NOL4: variants seen among roughly 807,000 people sequenced by gnomAD.
The protein encoded by NOL4 is cancer/testis antigen 125.
Under a neutral mutation model 75.9 loss-of-function variants are expected in NOL4, and 17 were observed. That is an observed-to-expected ratio of 0.22 (90% CI 0.15 to 0.34). The LOEUF (loss-of-function observed/expected upper bound fraction) is 0.34, where lower values mean the gene tolerates loss of function less well. Ranked by LOEUF, NOL4 falls within the 10% of genes least tolerant of loss-of-function variation. The pLI is 1.00. For synonymous variants in NOL4, 292 were observed against 289.9 expected, an observed-to-expected ratio of 1.01 and a Z score of -0.07; for missense variants, 614 against 793.5, an observed-to-expected ratio of 0.77 and a Z score of 2.72.
chr18:34,010,311 G>A (rs1003341640), intron 6 of NOL4, among the ~76,000 whole-genome samples: 2 of 151,780 alleles, frequency 1.3e-5, no homozygotes, highest in Non-Finnish European at 2.9e-5. Flanking sequence ...AGTTCCATCC[G>A]TGTTGTTACA....
intron 6 of NOL4, among the ~76,000 whole-genome samples, chr18:34,008,413 C>CTAT (rs55764640): frequency 6.7e-6 from 1 of 148,992 alleles, no homozygotes; most frequent in African/African-American, 2.5e-5. Context: ...ATCTATCTAT[C>CTAT]CTATGGGTTC....
At chr18:34,005,989 C>A (rs1001454497) in intron 6 of NOL4, among the ~76,000 whole-genome samples, 1 of 152,040 alleles carries the variant, frequency 6.6e-6, no homozygotes, top group Non-Finnish European at 1.5e-5. Context: ...TTGAAGCCTT[C>A]TTCAATTTCC....
At chr18:34,146,935 A>T (rs570449341) in intron 1 of NOL4, among the ~76,000 whole-genome samples, 7 of 152,120 alleles carry the variant, frequency 4.6e-5, no homozygotes, top group Non-Finnish European at 7.4e-5. Flanking sequence ...GGTCCTTCAC[A>T]TCCCTTGTAA....
Position 33,958,438 on chromosome 18 carries a change from T to TAAA in NOL4, c.1057-21_1057-20insTTT. 1 of 1,573,542 alleles carries TAAA rather than the reference T, an allele frequency of 6.4e-7. No individual in the cohort carries two copies. Among genetic ancestry groups the TAAA allele is most frequent in the Non-Finnish European group, 8.6e-7 (1 of 1,157,914 alleles). ...AGGAGACTGAAAAGAGAAGGTGAAA[T>TAAA]AACTGCTTTTAAATTCATTGCACAA... On this transcript the variant is annotated intron_variant, in intron 6 of 10. Transcript: ENST00000261592.
intron 1 of NOL4, among the ~76,000 whole-genome samples, chr18:34,168,276 A>C (rs1452420079): frequency 1.3e-5 from 2 of 151,986 alleles, no homozygotes; most frequent in Non-Finnish European, 2.9e-5. Flanking sequence ...CACATTTCTC[A>C]ATAGGAAGTA....
At chr18:34,024,194 A>T (rs1941357) in intron 5 of NOL4, among the ~76,000 whole-genome samples, 43,834 of 72,718 alleles carry the variant, frequency 0.6, 14,142 homozygotes, top group South Asian at 0.77. Flanking sequence ...AAAAAAAAAA[A>T]ATATATATAT....
At chr18:34,064,498 T>C (rs73957421) in intron 5 of NOL4, among the ~76,000 whole-genome samples, 2,026 of 151,134 alleles carry the variant, frequency 0.013, 49 homozygotes, top group African/African-American at 0.047. Context: ...TTGCAGAATC[T>C]ACATCTAATC....
rs72961216 is a variant in NOL4 at position 34,167,245 on chromosome 18, T to C, written c.265-37225A>G. Reference sequence around the variant, plus strand: ...CAGGGAATTGAGCATCACAGGAAGTTCCTGGACCCAATCCCTAATGGATAC... The same window carrying C: ...CAGGGAATTGAGCATCACAGGAAGTCCCTGGACCCAATCCCTAATGGATAC... On this transcript the variant is annotated intron_variant, in intron 1 of 10. Transcript: ENST00000261592. Among the ~76,000 whole-genome samples the C allele has an allele frequency of 9.2e-3, 1,401 of 152,056 alleles. 8 individuals are homozygous for C. Among genetic ancestry groups the C allele is most frequent in the Non-Finnish European group, 0.013 (887 of 67,962 alleles).
At position 33,896,005 on chromosome 18, in the gene NOL4, C is replaced by A. The variant is rs2065380090; in HGVS notation, c.1543-12581G>T. Among the ~76,000 whole-genome samples, 5 of 152,052 alleles carry A rather than the reference C, an allele frequency of 3.3e-5. No individual in the cohort carries two copies. In the South Asian group the frequency reaches 1.0e-3, roughly 32 times the overall value. On this transcript the variant is annotated intron_variant, in intron 9 of 10. Transcript: ENST00000261592. ...AAACACTAGCATTCTTATACACCAC[C>A]AATAGCCAAACCAAGAACCAAATCA...
chr18:34,092,803 T>A (rs886704948), intron 5 of NOL4, among the ~76,000 whole-genome samples: 3 of 152,194 alleles, frequency 2.0e-5, no homozygotes, highest in Non-Finnish European at 2.9e-5. Context: ...ACAAAGGTAG[T>A]GTTCAAAGAT....
intron 2 of NOL4, among the ~76,000 whole-genome samples, chr18:34,117,370 A>G (rs1461644725): frequency 1.3e-5 from 2 of 152,238 alleles, no homozygotes; most frequent in African/African-American, 4.8e-5. Flanking sequence ...CAGTATTGAA[A>G]AAAGATAGAG....
At chr18:34,066,723 T>C (rs2077293134) in intron 5 of NOL4, among the ~76,000 whole-genome samples, 1 of 151,546 alleles carries the variant, frequency 6.6e-6, no homozygotes, top group African/African-American at 2.4e-5. Flanking sequence ...TATAAGTGTA[T>C]GTTCCTTTCC....
intron 1 of NOL4, among the ~76,000 whole-genome samples, chr18:34,137,242 C>T (rs1004538854): frequency 2.6e-5 from 4 of 152,032 alleles, no homozygotes; most frequent in Admixed American, 6.5e-5. Flanking sequence ...ACGCAAAGTC[C>T]TCATAACTGT....
chr18:34,088,648 A>G (rs2078358307), intron 5 of NOL4, among the ~76,000 whole-genome samples: 1 of 152,064 alleles, frequency 6.6e-6, no homozygotes, highest in Admixed American at 6.6e-5. Flanking sequence ...TCATGCTTTC[A>G]TGAGTAAAGC....
At chr18:33,861,323 G>C (rs768776687) in intron 10 of NOL4, among the ~76,000 whole-genome samples, 8 of 152,238 alleles carry the variant, frequency 5.3e-5, no homozygotes, top group African/African-American at 1.9e-4. Flanking sequence ...CCTGTTATTG[G>C]TCTATTCAGA....
rs144321252 is a variant in NOL4 at position 33,964,906 on chromosome 18, AAG to A, written c.1057-6490_1057-6489del. Among the ~76,000 whole-genome samples, 40 of 152,350 alleles carry A rather than the reference AAG, an allele frequency of 2.6e-4. No individual in the cohort carries two copies. The East Asian group carries it at 5.8e-3, about 22-fold the overall frequency. On this transcript the variant is annotated intron_variant, in intron 6 of 10. Coordinates refer to ENST00000261592, the MANE Select transcript of NOL4 (RefSeq NM_003787.5). ...TGCAACAATTTACTGATAGAGAAAT[AAG>A]ATATATTAAAGGAGATTTAAGAGAT...
chr18:33,921,404 G>A (rs899334379), intron 9 of NOL4, among the ~76,000 whole-genome samples: 2 of 152,090 alleles, frequency 1.3e-5, no homozygotes, highest in Non-Finnish European at 2.9e-5. Context: ...GCTATGGGTT[G>A]AATTGTGTCC....
In NOL4 at chr18:33,957,525, C is replaced by A; in HGVS notation, c.1237-8G>T. On this transcript the variant is annotated splice_region_variant and splice_polypyrimidine_tract_variant and intron_variant, in intron 7 of 10. Coordinates refer to ENST00000261592, the MANE Select transcript of NOL4 (RefSeq NM_003787.5). ...AAACAGCCTGACAAACATCTGTTGG[C>A]AAGAGGGAGACAGAGGAGAAGGGTT... is the stretch of plus-strand genomic sequence containing the variant. 6.2e-7 allele frequency: 1 copy of A among 1,609,874 alleles called. No homozygotes were observed. The highest frequency in any genetic ancestry group is 8.5e-7 in the Non-Finnish European group (1 of 1,177,476).
intron 10 of NOL4, among the ~76,000 whole-genome samples, chr18:33,869,307 A>G (rs1382303885): frequency 6.6e-6 from 1 of 151,954 alleles, no homozygotes; most frequent in Non-Finnish European, 1.5e-5. Flanking sequence ...CTTTTTGTCA[A>G]ATGAGAATCA....
Sources: allele counts gnomAD v4.1 joint callset (sites outside exome capture counted in the v4.1 genomes callset), GRCh38; gene constraint gnomAD v4.1.1; transcripts MANE v1.5; gene names NCBI Gene and HGNC (gene_info 2026-07-23, HGNC 2026-07-21).